DMRT1: variants seen among roughly 807,000 people sequenced by gnomAD.
The protein encoded by DMRT1 is doublesex- and mab-3-related transcription factor 1.
Under a neutral mutation model 32.3 loss-of-function variants are expected in DMRT1, and 7 were observed. The observed-to-expected ratio is 0.22, with a 90% CI of 0.12 to 0.41. DMRT1 has a LOEUF of 0.41. Among genes scored for constraint, DMRT1 ranks in the 10% least tolerant of loss-of-function variants. DMRT1 has a pLI of 1.00. For synonymous variants in DMRT1, 278 were observed against 206.1 expected (o/e 1.35, Z -2.99); for missense variants, 625 against 500.5 (o/e 1.25, Z -2.37).
At chr9:905,776 C>A (rs12553400) in intron 3 of DMRT1, among the ~76,000 whole-genome samples, 23,555 of 151,826 alleles carry the variant, frequency 0.16, 2,091 homozygotes, top group African/African-American at 0.24. Context: ...ACAGCCTTTC[C>A]GGGCTGTGAG....
intron 2 of DMRT1, among the ~76,000 whole-genome samples, chr9:878,164 G>A (rs890393593): frequency 6.7e-6 from 1 of 149,920 alleles, no homozygotes; most frequent in Non-Finnish European, 1.5e-5. Context: ...TAACTTTATA[G>A]CAAGCTAAAA....
At chr9:879,956 T>C (rs115127505) in intron 2 of DMRT1, among the ~76,000 whole-genome samples, 1,784 of 152,348 alleles carry the variant, frequency 0.012, 23 homozygotes, top group African/African-American at 0.033. Context: ...TAGAATAATC[T>C]TCAAGTTTGG....
chr9:942,365 G>A (rs1229234647), intron 4 of DMRT1, among the ~76,000 whole-genome samples: 5 of 152,062 alleles, frequency 3.3e-5, no homozygotes, highest in Non-Finnish European at 5.9e-5. Flanking sequence ...CCCCAACCTC[G>A]CAGGTTTAGT....
intron 4 of DMRT1, among the ~76,000 whole-genome samples, chr9:917,594 A>T (rs184983936): frequency 2.1e-3 from 320 of 152,314 alleles, no homozygotes; most frequent in Non-Finnish European, 2.6e-3. Flanking sequence ...AAAGTGAGAA[A>T]CATACACAAT....
intron 2 of DMRT1, among the ~76,000 whole-genome samples, chr9:848,294 G>C (rs1838990555): frequency 1.3e-5 from 2 of 152,108 alleles, no homozygotes. Context: ...TCAAAAATGA[G>C]GGAAAGGGTT....
intron 4 of DMRT1, among the ~76,000 whole-genome samples, chr9:952,440 A>G (rs1339724618): frequency 6.6e-6 from 1 of 152,230 alleles, no homozygotes; most frequent in Non-Finnish European, 1.5e-5. Context: ...GGTGTAATCA[A>G]AAGGCCAGGC....
intron 2 of DMRT1, among the ~76,000 whole-genome samples, chr9:864,212 CTTT>C (rs5895867): frequency 2.2e-5 from 3 of 134,974 alleles, no homozygotes. Flanking sequence ...TCTTTTTTTT[CTTT>C]TTTTTTTTTT....
At chr9:915,940 A>T (rs905835694) in intron 3 of DMRT1, among the ~76,000 whole-genome samples, 1 of 152,000 alleles carries the variant, frequency 6.6e-6, no homozygotes, top group African/African-American at 2.4e-5. Context: ...TCATTGTGTT[A>T]GCCAGGATGA....
chr9:912,523 G>A (rs1379276980), intron 3 of DMRT1, among the ~76,000 whole-genome samples: 3 of 152,128 alleles, frequency 2.0e-5, no homozygotes, highest in Non-Finnish European at 4.4e-5. Flanking sequence ...CATGGAAAAG[G>A]AATTAAGGGA....
At chr9:950,263 A>T (rs1442319732) in intron 4 of DMRT1, among the ~76,000 whole-genome samples, 1 of 152,104 alleles carries the variant, frequency 6.6e-6, no homozygotes, top group East Asian at 1.9e-4. Flanking sequence ...ATGATTATCT[A>T]GAGAGATACT....
chr9:904,264 G>T (rs753512622), intron 3 of DMRT1, among the ~76,000 whole-genome samples: 1 of 152,138 alleles, frequency 6.6e-6, no homozygotes, highest in Non-Finnish European at 1.5e-5. Context: ...TGCCCTTTTA[G>T]CTTACTTTTT....
chr9:898,208 C>T lies in DMRT1; in HGVS notation c.822+4013C>T, dbSNP rs190435554. ...GATCTTGGCTCACTGCAACCTCCAC[C>T]TCCCAGGTTCAAGTGATTCCTGTGC... On this transcript the variant is annotated intron_variant, in intron 3 of 4. Coordinates refer to ENST00000382276, the MANE Select transcript of DMRT1 (RefSeq NM_021951.3). Among the ~76,000 whole-genome samples, 212 of 152,294 alleles carry T rather than the reference C, an allele frequency of 1.4e-3. 3 individuals carry two copies. The highest frequency in any genetic ancestry group is 4.9e-3 in the African/African-American group (203 of 41,558).
At chr9:946,968 G>A (rs573596207) in intron 4 of DMRT1, among the ~76,000 whole-genome samples, 1 of 152,210 alleles carries the variant, frequency 6.6e-6, no homozygotes, top group South Asian at 2.1e-4. Flanking sequence ...ATAATGTTAG[G>A]AAATTCGTCA....
At chr9:908,791 C>G (rs917806534) in intron 3 of DMRT1, among the ~76,000 whole-genome samples, 4 of 152,134 alleles carry the variant, frequency 2.6e-5, no homozygotes, top group Admixed American at 1.3e-4. Context: ...TCTCTCTGCC[C>G]TGTTGTGTGA....
At chr9:894,271 ACAGAGGCACACACGCACTTGTGCGCC>A (rs983140754) in intron 3 of DMRT1, 76 bp downstream of exon 3, 95 of 1,477,168 alleles carry the variant, frequency 6.4e-5, no homozygotes, top group Non-Finnish European at 8.3e-5. Flanking sequence ...GCACATACAC[ACAGAGGCACACACGCACTTGTGCGCC>A]CAGAGGCACA....
At chr9:944,703 C>G (rs1295359700) in intron 4 of DMRT1, among the ~76,000 whole-genome samples, 2 of 152,150 alleles carry the variant, frequency 1.3e-5, no homozygotes, top group African/African-American at 4.8e-5. Context: ...AAGCCTGATT[C>G]TTGCTTTTTG....
Position 916,672 on chromosome 9 carries a change from T to C in DMRT1, c.823-91T>C, listed in dbSNP as rs1818193809. 2.7e-6 allele frequency: 4 copies of C among 1,505,828 alleles called. No individual in the cohort carries two copies. The South Asian group carries it at 3.4e-5, about 13-fold the overall frequency. 93.3% of individuals were successfully genotyped at this position (1,505,828 alleles called of 1,614,324 possible). The stretch of plus-strand genomic sequence containing the variant: ...TAGGCATGAGCCACTGTGCCCAGCC[T>C]GTTACCTTGTTTTAAAGAACTAGAT... On this transcript the variant is annotated intron_variant, in intron 3 of 4. Transcript: ENST00000382276.
rs376982840 is a variant in DMRT1 at position 916,159 on chromosome 9, G to A, written c.823-604G>A. 2.6e-5 allele frequency among the ~76,000 whole-genome samples: 4 copies of A among 152,186 alleles called. No individual in the cohort carries two copies. In the East Asian group the frequency reaches 5.8e-4, roughly 22 times the overall value. On this transcript the variant is annotated intron_variant, in intron 3 of 4. Coordinates refer to ENST00000382276, the MANE Select transcript of DMRT1 (RefSeq NM_021951.3). ...TGCGCCCGTTCAAACAAATTTGTTA[G>A]TGTTACAGCAGATTGTGTTGTCCCC...
At chr9:877,470 T>C (rs1339677952) in intron 2 of DMRT1, among the ~76,000 whole-genome samples, 1 of 152,198 alleles carries the variant, frequency 6.6e-6, no homozygotes, top group Non-Finnish European at 1.5e-5. Context: ...CCCTGCTATT[T>C]ATGTTGAAAA....
Sources: gnomAD v4.1 joint callset for allele counts (sites outside exome capture counted in the v4.1 genomes callset) on GRCh38, gnomAD v4.1.1 for gene constraint, MANE v1.5 for transcripts, NCBI Gene and HGNC (gene_info 2026-07-23, HGNC 2026-07-21) for gene names.